Variants in ACTR10 observed in about 807,000 individuals in gnomAD.
The protein encoded by ACTR10 is actin related protein 10.
In ACTR10, 43 loss-of-function variants were observed where a neutral mutation model predicts 56.2. That is an observed-to-expected ratio of 0.77 (90% CI 0.60 to 0.99). ACTR10 has a LOEUF of 0.99. Among genes scored for constraint, ACTR10 ranks in the 50% least tolerant of loss-of-function variants. The pLI, the probability that ACTR10 is intolerant of heterozygous loss-of-function variation, is 0.00. For synonymous variants in ACTR10, 170 were observed against 176.3 expected (o/e 0.96, Z 0.28); for missense variants, 466 against 507.8 (o/e 0.92, Z 0.79).
At chr14:58,211,746 C>T (rs1169337343) in intron 5 of ACTR10, among the ~76,000 whole-genome samples, 1 of 151,944 alleles carries the variant, frequency 6.6e-6, no homozygotes, top group Non-Finnish European at 1.5e-5. Context: ...TATGTTCGAT[C>T]CAGAAAGATT....
chr14:58,200,451 C>T (rs1238899059), intron 1 of ACTR10, among the ~76,000 whole-genome samples, 157 bp downstream of exon 1: 1 of 152,206 alleles, frequency 6.6e-6, no homozygotes, highest in Non-Finnish European at 1.5e-5. Context: ...CTTATTATTT[C>T]CTCCCTGGGC....
chr14:58,204,129 C>A (rs113643498), intron 2 of ACTR10, among the ~76,000 whole-genome samples: 2 of 151,564 alleles, frequency 1.3e-5, no homozygotes, highest in African/African-American at 4.9e-5. Context: ...CGCCTGTAAT[C>A]GCAGCACTTT....
At chr14:58,208,963 A>C in intron 3 of ACTR10, 36 bp from the exon 4 acceptor site, 1 of 1,406,094 alleles carries the variant, frequency 7.1e-7, no homozygotes, top group Non-Finnish European at 1.0e-6. Flanking sequence ...ATGAATAAAA[A>C]CTTTTACTTT....
At chr14:58,228,548 G>C (rs969796210) in intron 10 of ACTR10, among the ~76,000 whole-genome samples, 49 of 151,838 alleles carry the variant, frequency 3.2e-4, no homozygotes, top group African/African-American at 1.2e-3. Flanking sequence ...CTTGAACCTG[G>C]GAGGCTGATC....
Position 58,224,070 on chromosome 14 carries a change from G to A in ACTR10, c.788+214G>A, listed in dbSNP as rs534317623. On this transcript the variant is annotated intron_variant, in intron 10 of 12. Coordinates refer to ENST00000254286, the MANE Select transcript of ACTR10 (RefSeq NM_018477.3). ...GGCTGGAGTGCAGTGGCACGATCTC[G>A]GCTCACTGTAACCTTCATCTCCTAG... Among the ~76,000 whole-genome samples, 78 of 151,630 alleles carry A rather than the reference G, an allele frequency of 5.1e-4. 1 individual carries two copies. Among genetic ancestry groups the A allele is most frequent in the African/African-American group, 1.4e-3 (56 of 41,330 alleles).
intron 2 of ACTR10, chr14:58,206,920 C>T (rs1172905262): frequency 6.6e-6 from 1 of 151,692 alleles, no homozygotes; most frequent in African/African-American, 2.4e-5. Context: ...TTCAGTGTGG[C>T]GATGTTGCAA....
chr14:58,234,665 A>T lies in ACTR10; in HGVS notation c.*114A>T, dbSNP rs895567834. The T allele has an allele frequency of 5.2e-6, 5 of 964,342 alleles. No individual in the cohort carries two copies. The highest frequency in any genetic ancestry group is 5.9e-6 in the Non-Finnish European group (4 of 679,068). The allele number at this position is 964,342 out of a possible 1,614,324, so 59.7% of individuals were successfully genotyped here. On this transcript the variant is annotated 3_prime_UTR_variant, in exon 13 of 13. Transcript: ENST00000254286. ...AGAGGACTATAGTGGAAGTGAAAGC[A>T]TTCTGTGTTTACTCTTTGCATTAAT...
At chr14:58,202,483 C>T (rs1321148190) in intron 1 of ACTR10, among the ~76,000 whole-genome samples, 2 of 151,476 alleles carry the variant, frequency 1.3e-5, no homozygotes, top group Non-Finnish European at 2.9e-5. Flanking sequence ...ACTCAGGAGC[C>T]TGAGGCAGGA....
At position 58,207,998 on chromosome 14, in the gene ACTR10, C is replaced by A; in HGVS notation, c.213C>A (p.Phe71Leu). Residue 71 changes from phenylalanine to leucine, a missense_variant, in exon 3 of 13, where the codon TTC (phenylalanine) becomes TTA (leucine). Coordinates refer to ENST00000254286, the MANE Select transcript of ACTR10 (RefSeq NM_018477.3). ...AATTATATTCCTACCTAAAGGAATT[C>A]ATCCACATACTATATTTCAGGTAAG... The part of the protein sequence containing the change: ...TEELYSYLKE[F>L]IHILYFRHLL... The A allele has an allele frequency of 1.3e-6, 2 of 1,506,874 alleles. No homozygotes were observed. The highest frequency in any genetic ancestry group is 2.6e-5 in the South Asian group (2 of 75,544). 93.3% of individuals were successfully genotyped at this position (1,506,874 alleles called of 1,614,324 possible).
intron 7 of ACTR10, among the ~76,000 whole-genome samples, chr14:58,218,140 A>G (rs1889180276): frequency 6.6e-6 from 1 of 152,206 alleles, no homozygotes; most frequent in Non-Finnish European, 1.5e-5. Context: ...TCATATTACC[A>G]AAGTTCTTTG....
At chr14:58,212,187 T>C (rs1889018961) in intron 5 of ACTR10, among the ~76,000 whole-genome samples, 1 of 152,100 alleles carries the variant, frequency 6.6e-6, no homozygotes, top group Non-Finnish European at 1.5e-5. Context: ...AAGAGTTGTG[T>C]TAGTTGAGTG....
intron 4 of ACTR10, 186 bp from the exon 5 acceptor site, chr14:58,211,106 G>A (rs1888983005): frequency 4.1e-6 from 2 of 484,120 alleles, no homozygotes; most frequent in South Asian, 2.7e-5. Context: ...TTTGGTTATT[G>A]AGTGAATTTA....
intron 7 of ACTR10, among the ~76,000 whole-genome samples, chr14:58,218,556 T>TA (rs1332011662): frequency 5.9e-5 from 9 of 152,050 alleles, no homozygotes; most frequent in Non-Finnish European, 1.3e-4. Context: ...TTTTGCAATA[T>TA]AATTAAATAT....
At chr14:58,232,343 G>T in intron 12 of ACTR10, 76 bp downstream of exon 12, 9 of 897,934 alleles carry the variant, frequency 1.0e-5, no homozygotes, top group Non-Finnish European at 9.2e-6. Flanking sequence ...GGATATATTA[G>T]AATAAATAAT....
intron 10 of ACTR10, among the ~76,000 whole-genome samples, chr14:58,226,127 C>G (rs1384807613): frequency 6.6e-6 from 1 of 152,042 alleles, no homozygotes; most frequent in African/African-American, 2.4e-5. Flanking sequence ...ATTAGCCAGG[C>G]ATAGTGGTAC....
Position 58,213,444 on chromosome 14 carries a change from T to C in ACTR10, c.451-187T>C, listed in dbSNP as rs545193441. 106 of 472,188 alleles carry C rather than the reference T, an allele frequency of 2.2e-4. 1 individual carries two copies. Among genetic ancestry groups the C allele is most frequent in the African/African-American group, 1.4e-3 (69 of 50,558 alleles). The allele number at this position is 472,188 out of a possible 1,614,324, so 29.2% of individuals were successfully genotyped here. A position where few individuals can be genotyped will look rare whatever the true frequency, so the allele number is the denominator to read the frequency against. ...GGTCATGTGCTTATGTGTATTTTTA[T>C]TCTGTTTTCTTTGATGAAGAACATG... On this transcript the variant is annotated intron_variant, in intron 5 of 12. Transcript: ENST00000254286.
At chr14:58,230,695 T>A (rs1468236174) in intron 11 of ACTR10, among the ~76,000 whole-genome samples, 2 of 152,184 alleles carry the variant, frequency 1.3e-5, no homozygotes, top group Non-Finnish European at 2.9e-5. Flanking sequence ...TCATGAGTTT[T>A]ACTCTGGCAC....
chr14:58,224,833 T>C (rs1889361066), intron 10 of ACTR10, among the ~76,000 whole-genome samples: 1 of 151,838 alleles, frequency 6.6e-6, no homozygotes, highest in African/African-American at 2.4e-5. Flanking sequence ...CTACTAAAAA[T>C]ACAAAATTAG....
intron 8 of ACTR10, among the ~76,000 whole-genome samples, chr14:58,220,761 T>A (rs2140056018): frequency 6.6e-6 from 1 of 152,348 alleles, no homozygotes; most frequent in South Asian, 2.1e-4. Context: ...TTGTTAGTAG[T>A]AAGGATTGCA....
Sources: gnomAD v4.1 joint callset for allele counts (sites outside exome capture counted in the v4.1 genomes callset) on GRCh38, gnomAD v4.1.1 for gene constraint, MANE v1.5 for transcripts, NCBI Gene and HGNC (gene_info 2026-07-23, HGNC 2026-07-21) for gene names.